Variants in MPDZ observed in about 807,000 individuals in gnomAD.
MPDZ encodes multiple PDZ domain crumbs cell polarity complex component, also known as multiple PDZ domain protein.
In MPDZ, 234 loss-of-function variants were observed where a neutral mutation model predicts 239.1. That is an observed-to-expected ratio of 0.98 (90% CI 0.88 to 1.09). The LOEUF is 1.09. Among genes scored for constraint, MPDZ ranks in the 50% least tolerant of loss-of-function variants. MPDZ has a pLI of 0.00. For synonymous variants in MPDZ, 1,048 were observed against 881.3 expected (o/e 1.19, Z -3.35); for missense variants, 3,175 against 2,510.0 (o/e 1.26, Z -5.66).
chr9:13,248,942 C>T (rs1967072050), intron 2 of MPDZ, among the ~76,000 whole-genome samples: 1 of 124,802 alleles, frequency 8.0e-6, no homozygotes, highest in Non-Finnish European at 1.6e-5. Flanking sequence ...CACTACACTC[C>T]AGCCTGGGCG....
intron 22 of MPDZ, 58 bp downstream of exon 22, chr9:13,168,308 C>A (rs748780756): frequency 6.7e-7 from 1 of 1,489,636 alleles, no homozygotes; most frequent in Non-Finnish European, 9.3e-7. Flanking sequence ...AAAAAGAATT[C>A]TGATTAATTG....
chr9:13,113,395 A>T (rs184979956), intron 41 of MPDZ, among the ~76,000 whole-genome samples: 51 of 152,320 alleles, frequency 3.3e-4, no homozygotes, highest in African/African-American at 1.2e-3. Flanking sequence ...GCATTAAAAA[A>T]ATTCACAAAT....
chr9:13,163,246 T>C (rs1046181115), intron 22 of MPDZ, among the ~76,000 whole-genome samples: 5 of 152,190 alleles, frequency 3.3e-5, no homozygotes, highest in African/African-American at 1.2e-4. Context: ...ACTTTGCATC[T>C]TTCTATAATA....
chr9:13,166,847 A>C (rs551311613), intron 22 of MPDZ, among the ~76,000 whole-genome samples: 2 of 152,244 alleles, frequency 1.3e-5, no homozygotes, highest in Admixed American at 1.3e-4. Context: ...AATGTACTTC[A>C]AAAGTTTTCT....
At chr9:13,242,215 C>CTTTTT (rs145555644) in intron 3 of MPDZ, among the ~76,000 whole-genome samples, 1 of 50,790 alleles carries the variant, frequency 2.0e-5, no homozygotes, top group African/African-American at 8.3e-5. Flanking sequence ...TGTTAGGATG[C>CTTTTT]TTTTTTTTTT....
intron 45 of MPDZ, among the ~76,000 whole-genome samples, chr9:13,109,556 T>C (rs933978851): frequency 6.6e-6 from 1 of 152,226 alleles, no homozygotes; most frequent in African/African-American, 2.4e-5. Context: ...TGTTACTTAA[T>C]ACTGTGAATT....
intron 10 of MPDZ, among the ~76,000 whole-genome samples, chr9:13,206,641 G>C (rs1291301653): frequency 6.6e-6 from 1 of 151,500 alleles, no homozygotes; most frequent in Non-Finnish European, 1.5e-5. Flanking sequence ...CCTCCCAGGT[G>C]CAAGTGATTC....
intron 1 of MPDZ, among the ~76,000 whole-genome samples, chr9:13,261,324 A>G (rs1970637477): frequency 6.6e-6 from 1 of 152,164 alleles, no homozygotes; most frequent in African/African-American, 2.4e-5. Context: ...ATGCACAATC[A>G]CTGATCTCCA....
At chr9:13,131,854 C>T (rs369282383) in intron 32 of MPDZ, among the ~76,000 whole-genome samples, 16 of 152,144 alleles carry the variant, frequency 1.1e-4, no homozygotes, top group African/African-American at 3.9e-4. Flanking sequence ...GGTTGCTTTG[C>T]ATATACCTGC....
At chr9:13,252,334 G>A (rs1343498723) in intron 1 of MPDZ, among the ~76,000 whole-genome samples, 1 of 150,294 alleles carries the variant, frequency 6.7e-6, no homozygotes, top group Non-Finnish European at 1.5e-5. Flanking sequence ...TTGGGAGGCC[G>A]AGGTGGGCGG....
chr9:13,147,439 T>C, intron 26 of MPDZ, 109 bp downstream of exon 26: 1 of 780,378 alleles, frequency 1.3e-6, no homozygotes, highest in South Asian at 1.6e-5. Flanking sequence ...TCTCCTGAGA[T>C]TTGAAAAATC....
At chr9:13,144,625 G>A (rs1359501595) in intron 26 of MPDZ, among the ~76,000 whole-genome samples, 1 of 152,020 alleles carries the variant, frequency 6.6e-6, no homozygotes, top group Non-Finnish European at 1.5e-5. Flanking sequence ...GTGACACCAC[G>A]CTGTATGAGA....
chr9:13,119,829 T>C (rs1252562536), intron 38 of MPDZ, 180 bp from the exon 39 acceptor site: 4 of 639,792 alleles, frequency 6.3e-6, no homozygotes, highest in South Asian at 1.9e-5. Context: ...TAACAGCTTA[T>C]GTCTTACAGT....
At chr9:13,133,277 T>C (rs376805352) in intron 32 of MPDZ, among the ~76,000 whole-genome samples, 61 of 152,162 alleles carry the variant, frequency 4.0e-4, no homozygotes, top group African/African-American at 1.4e-3. Flanking sequence ...GACTTCTTGA[T>C]AGAAAGGTAA....
chr9:13,108,904 G>A, intron 46 of MPDZ, 32 bp downstream of exon 46: 1 of 1,603,474 alleles, frequency 6.2e-7, no homozygotes, highest in South Asian at 1.1e-5. Context: ...ATGTTTAGGG[G>A]AAAAGAGGGT....
At chr9:13,158,782 C>T (rs1950129039) in intron 23 of MPDZ, among the ~76,000 whole-genome samples, 1 of 152,104 alleles carries the variant, frequency 6.6e-6, no homozygotes, top group Admixed American at 6.6e-5. Flanking sequence ...AAAATGTGTC[C>T]AGTCTACTGA....
At chr9:13,116,271 T>C (rs1387810773) in intron 39 of MPDZ, among the ~76,000 whole-genome samples, 1 of 152,232 alleles carries the variant, frequency 6.6e-6, no homozygotes, top group Non-Finnish European at 1.5e-5. Context: ...ATCCAGACTA[T>C]GTGATTTATT....
chr9:13,130,992 G>C (rs868147097), intron 32 of MPDZ, among the ~76,000 whole-genome samples: 5 of 152,272 alleles, frequency 3.3e-5, no homozygotes, highest in Middle Eastern at 6.8e-3. Context: ...TCAAAGTGGA[G>C]AAAATAATAG....
chr9:13,181,223 T>C (rs1035729505), intron 19 of MPDZ, among the ~76,000 whole-genome samples: 38 of 152,282 alleles, frequency 2.5e-4, no homozygotes, highest in Middle Eastern at 3.4e-3. Context: ...CATCTTTGTT[T>C]TTCTTAAAAA....
Sources: gnomAD v4.1 joint callset for allele counts (sites outside exome capture counted in the v4.1 genomes callset) on GRCh38, gnomAD v4.1.1 for gene constraint, MANE v1.5 for transcripts, NCBI Gene and HGNC (gene_info 2026-07-23, HGNC 2026-07-21) for gene names.